CNNM2: variants seen among roughly 807,000 people sequenced by gnomAD.
CNNM2 encodes the protein metal transporter CNNM2.
A neutral mutation model predicts 66.9 loss-of-function variants in CNNM2; 12 were observed. That is an observed-to-expected ratio of 0.18 (90% CI 0.11 to 0.29). CNNM2 has a LOEUF of 0.29. Among genes scored for constraint, CNNM2 ranks in the 10% least tolerant of loss-of-function variants. The pLI, the probability that CNNM2 is intolerant of heterozygous loss-of-function variation, is 1.00. For synonymous variants in CNNM2, 557 were observed against 501.8 expected (o/e 1.11, Z -1.47); for missense variants, 705 against 1,167.7 (o/e 0.60, Z 5.77).
intron 1 of CNNM2, among the ~76,000 whole-genome samples, 164 bp downstream of exon 1, chr10:102,920,265 G>C (rs747423040): frequency 6.6e-6 from 1 of 152,158 alleles, no homozygotes; most frequent in Non-Finnish European, 1.5e-5. Context: ...TTTGGGGATG[G>C]ATTGAACTAG....
In CNNM2 at chr10:102,956,121, A is replaced by T. The variant is rs1847024370; in HGVS notation, c.1621+36020A>T. 2.6e-5 allele frequency among the ~76,000 whole-genome samples: 4 copies of T among 152,094 alleles called. No homozygotes were observed. In the South Asian group the frequency reaches 8.3e-4, roughly 32 times the overall value. The stretch of plus-strand genomic sequence containing the variant: ...GCTAACACGGTGAAACTCCGTCTCT[A>T]CTAAAAATAGAAAAAAATTAGCCGG... On this transcript the variant is annotated intron_variant, in intron 1 of 7. Transcript: ENST00000369878.
chr10:102,945,841 G>A (rs1164934865), intron 1 of CNNM2, among the ~76,000 whole-genome samples: 2 of 151,442 alleles, frequency 1.3e-5, no homozygotes, highest in African/African-American at 2.4e-5. Flanking sequence ...ATTTCTTCTC[G>A]CAGGATGATG....
In CNNM2 at chr10:103,082,931, C is replaced by T. The variant is rs1474378228; in HGVS notation, c.*5751C>T. The T allele has an allele frequency of 6.6e-6, 1 of 152,170 alleles. No individual in the cohort carries two copies. Among genetic ancestry groups the T allele is most frequent in the Non-Finnish European group, 1.5e-5 (1 of 68,046 alleles). 9.4% of individuals were successfully genotyped at this position (152,170 alleles called of 1,614,324 possible). A position where few individuals can be genotyped will look rare whatever the true frequency, so the allele number is the denominator to read the frequency against. ...CCCAAGGCAGGTCACTTGCCTGGCCCCACAGTGATAATGGTTTCTTCCACT... is the reference window on the plus strand; with the variant it reads ...CCCAAGGCAGGTCACTTGCCTGGCCTCACAGTGATAATGGTTTCTTCCACT... On this transcript the variant is annotated 3_prime_UTR_variant, in exon 8 of 8. Coordinates refer to ENST00000369878, the MANE Select transcript of CNNM2 (RefSeq NM_017649.5).
chr10:102,969,608 A>T lies in CNNM2; in HGVS notation c.1621+49507A>T, dbSNP rs368455556. On this transcript the variant is annotated intron_variant, in intron 1 of 7. Transcript: ENST00000369878. ...TATTTCGGCTATTTCAGAAAACACT[A>T]CTCTATAATAGCGGCAATTGGTGTT... 1.5e-4 allele frequency among the ~76,000 whole-genome samples: 23 copies of T among 151,772 alleles called. No homozygotes were observed. In the South Asian group the frequency reaches 3.5e-3, roughly 23 times the overall value.
chr10:102,974,883 G>C (rs1367675494), intron 1 of CNNM2, among the ~76,000 whole-genome samples: 1 of 152,146 alleles, frequency 6.6e-6, no homozygotes, highest in Non-Finnish European at 1.5e-5. Flanking sequence ...TCAAGTCTTG[G>C]TCAATTCTGG....
At position 102,918,331 on chromosome 10, in the gene CNNM2, C is replaced by T; in HGVS notation, c.-150C>T. 1 of 1,340,798 alleles carries T rather than the reference C, an allele frequency of 7.5e-7. No individual in the cohort carries two copies. The highest frequency in any genetic ancestry group is 1.5e-5 in the African/African-American group (1 of 65,442). 83.1% of individuals were successfully genotyped at this position (1,340,798 alleles called of 1,614,324 possible). A position where few individuals can be genotyped will look rare whatever the true frequency, so the allele number is the denominator to read the frequency against. On this transcript the variant is annotated 5_prime_UTR_variant, in exon 1 of 8. Transcript: ENST00000369878. The surrounding 1 kb of genome is among the most constrained non-coding windows in gnomAD (Gnocchi z 4.1). Reference sequence around the variant, plus strand: ...CCCTCCCGCGAGCCTCGGGGTTCCTCAGCTGGCTGAGGTGGAGTCAGTGTC... The same window carrying T: ...CCCTCCCGCGAGCCTCGGGGTTCCTTAGCTGGCTGAGGTGGAGTCAGTGTC...
At chr10:102,939,467 A>G (rs1304173828) in intron 1 of CNNM2, among the ~76,000 whole-genome samples, 1 of 151,474 alleles carries the variant, frequency 6.6e-6, no homozygotes, top group Non-Finnish European at 1.5e-5. Context: ...TGGCCCCTTT[A>G]CTGTTTTTAG....
intron 5 of CNNM2, among the ~76,000 whole-genome samples, chr10:103,069,445 G>A (rs2065536412): frequency 2.0e-5 from 3 of 152,158 alleles, no homozygotes; most frequent in Admixed American, 6.5e-5. Context: ...CCAGCACTTG[G>A]TATTGTTGAG....
chr10:103,015,133 A>G (rs1323766941), intron 1 of CNNM2, among the ~76,000 whole-genome samples: 1 of 152,318 alleles, frequency 6.6e-6, no homozygotes, highest in East Asian at 1.9e-4. Context: ...AACTTATACA[A>G]ATATATCACT....
chr10:102,946,184 T>C (rs1043293818), intron 1 of CNNM2, among the ~76,000 whole-genome samples: 4 of 152,084 alleles, frequency 2.6e-5, no homozygotes, highest in Admixed American at 2.6e-4. Context: ...ACAAAGTGCT[T>C]TAGCAATGGG....
At chr10:103,069,420 C>G (rs947206877) in intron 5 of CNNM2, among the ~76,000 whole-genome samples, 1 of 152,094 alleles carries the variant, frequency 6.6e-6, no homozygotes, top group African/African-American at 2.4e-5. Context: ...TGTGTGAATT[C>G]CGGTTGCTCT....
At chr10:102,975,146 A>G (rs148714599) in intron 1 of CNNM2, among the ~76,000 whole-genome samples, 1 of 152,298 alleles carries the variant, frequency 6.6e-6, no homozygotes, top group African/African-American at 2.4e-5. Context: ...AGAAGATGGT[A>G]AACTTCCTGT....
chr10:102,996,204 T>A (rs2134248961), intron 1 of CNNM2, among the ~76,000 whole-genome samples: 1 of 152,300 alleles, frequency 6.6e-6, no homozygotes, highest in East Asian at 1.9e-4. Flanking sequence ...ATTTTATTGA[T>A]CTTTTCAAAG....
intron 1 of CNNM2, among the ~76,000 whole-genome samples, chr10:103,007,067 A>G (rs983673412): frequency 6.6e-6 from 1 of 152,226 alleles, no homozygotes; most frequent in Non-Finnish European, 1.5e-5. Flanking sequence ...GAAATAGAGT[A>G]CAAATAGAGG....
At position 103,013,311 on chromosome 10, in the gene CNNM2, G is replaced by T. The variant is rs1029835636; in HGVS notation, c.1622-36396G>T. 6.6e-5 allele frequency among the ~76,000 whole-genome samples: 10 copies of T among 152,150 alleles called. No homozygotes were observed. The East Asian group carries it at 1.7e-3, about 26-fold the overall frequency. ...ATGGGATAAATAGTCTCTTCTTCAC[G>T]AGTTCTTGGAATAATTAAGATATAC... On this transcript the variant is annotated intron_variant, in intron 1 of 7. Coordinates refer to ENST00000369878, the MANE Select transcript of CNNM2 (RefSeq NM_017649.5).
chr10:102,988,696 G>T (rs1381549955), intron 1 of CNNM2, among the ~76,000 whole-genome samples: 1 of 151,914 alleles, frequency 6.6e-6, no homozygotes, highest in Non-Finnish European at 1.5e-5. Context: ...GTAAAATTCT[G>T]CCCACACCCT....
rs1408596360 is a variant in CNNM2 at position 103,078,500 on chromosome 10, T to C, written c.*1320T>C. ...AGAAACCAAATGTGTGTTGTGGCCA[T>C]TTTATGTGTGTCTCCGTCTTATTTT... On this transcript the variant is annotated 3_prime_UTR_variant, in exon 8 of 8. Transcript: ENST00000369878. The C allele has an allele frequency of 6.6e-6, 1 of 152,260 alleles. No homozygotes were observed. The highest frequency in any genetic ancestry group is 1.5e-5 in the Non-Finnish European group (1 of 68,044). 9.4% of individuals were successfully genotyped at this position (152,260 alleles called of 1,614,324 possible). A position where few individuals can be genotyped will look rare whatever the true frequency, so the allele number is the denominator to read the frequency against.
chr10:103,004,177 G>T (rs1444589780), intron 1 of CNNM2, among the ~76,000 whole-genome samples: 3 of 135,078 alleles, frequency 2.2e-5, no homozygotes, highest in Non-Finnish European at 4.6e-5. Flanking sequence ...TAATTTTTTT[G>T]TATTTAGTAG....
In CNNM2 at chr10:102,918,944, CAG is replaced by C; in HGVS notation, c.466_467del (p.Asp156HisfsTer254). 1 of 1,612,440 alleles carries C rather than the reference CAG, an allele frequency of 6.2e-7. No individual in the cohort carries two copies. The highest frequency in any genetic ancestry group is 8.5e-7 in the Non-Finnish European group (1 of 1,179,442). On this transcript the variant is annotated frameshift_variant, in exon 1 of 8. Transcript: ENST00000369878. LOFTEE classifies it high-confidence loss of function. This position sits in a 1 kb window ranked among gnomAD's most constrained non-coding sequence, Gnocchi z 4.1. Reference sequence around the variant, plus strand: ...CCCCAGCGATGCGGCATCCGCACCTCAGACATCATCATCTTGCCCCACATCAT... The same window carrying C: ...CCCCAGCGATGCGGCATCCGCACCTCACATCATCATCTTGCCCCACATCAT...
Sources: allele counts gnomAD v4.1 joint callset (sites outside exome capture counted in the v4.1 genomes callset), GRCh38; gene constraint gnomAD v4.1.1; non-coding constraint Gnocchi (gnomAD v3.1); transcripts MANE v1.5; gene names NCBI Gene and HGNC (gene_info 2026-07-23, HGNC 2026-07-21).